The following COL26A1 variants were observed in gnomAD, a reference collection of about 807,000 sequenced individuals.
COL26A1 encodes collagen type XXVI alpha 1 chain.
Under a neutral mutation model 59.3 loss-of-function variants are expected in COL26A1, and 41 were observed. The observed-to-expected ratio is 0.69, with a 90% CI of 0.54 to 0.90. The LOEUF is 0.90. COL26A1 is among the 40% of genes least tolerant of loss of function. The pLI, the probability that COL26A1 is intolerant of heterozygous loss-of-function variation, is 0.00. For synonymous variants in COL26A1, 266 were observed against 256.0 expected (o/e 1.04, Z -0.37); for missense variants, 612 against 602.3 (o/e 1.02, Z -0.17).
chr7:101,523,255 G>C (rs1313896883), intron 3 of COL26A1, among the ~76,000 whole-genome samples: 1 of 152,020 alleles, frequency 6.6e-6, no homozygotes, highest in African/African-American at 2.4e-5. Context: ...TTTTAGTAGA[G>C]ATGAGGTTTC....
intron 3 of COL26A1, among the ~76,000 whole-genome samples, chr7:101,471,458 A>G (rs1160878776): frequency 6.6e-6 from 1 of 152,202 alleles, no homozygotes; most frequent in Non-Finnish European, 1.5e-5. Context: ...CTACTCAATT[A>G]CAGAATAGGC....
intron 3 of COL26A1, among the ~76,000 whole-genome samples, chr7:101,504,054 C>T (rs1442150924): frequency 1.3e-5 from 2 of 152,166 alleles, no homozygotes; most frequent in Admixed American, 1.3e-4. Context: ...AGGTGTCCCC[C>T]AGCTCCCCAG....
intron 1 of COL26A1, among the ~76,000 whole-genome samples, chr7:101,372,837 A>C (rs1391768745): frequency 6.6e-6 from 1 of 152,004 alleles, no homozygotes; most frequent in Non-Finnish European, 1.5e-5. Context: ...CTCTACCAAA[A>C]ATAAAAAATT....
chr7:101,489,840 T>G (rs1167482943), intron 3 of COL26A1, among the ~76,000 whole-genome samples: 1 of 20,588 alleles, frequency 4.9e-5, no homozygotes, highest in African/African-American at 6.3e-4. Context: ...CTTTCTTTCT[T>G]TCTTTCTTTC....
chr7:101,505,812 C>T (rs956230232), intron 3 of COL26A1, among the ~76,000 whole-genome samples: 3 of 152,190 alleles, frequency 2.0e-5, no homozygotes, highest in African/African-American at 7.2e-5. Context: ...AGGATCAATA[C>T]TTTGCATCCT....
At chr7:101,545,601 T>G (rs1795720211) in intron 7 of COL26A1, 111 bp downstream of exon 7, 1 of 1,184,572 alleles carries the variant, frequency 8.4e-7, no homozygotes, top group East Asian at 2.9e-5. Flanking sequence ...ATGCCCATCC[T>G]GCTGCACCCA....
At chr7:101,398,842 G>A (rs1327656008) in intron 1 of COL26A1, among the ~76,000 whole-genome samples, 1 of 152,122 alleles carries the variant, frequency 6.6e-6, no homozygotes, top group African/African-American at 2.4e-5. Context: ...AGTCTGATTA[G>A]AATCACAAAT....
At chr7:101,496,580 G>T (rs1794590101) in intron 3 of COL26A1, among the ~76,000 whole-genome samples, 1 of 152,154 alleles carries the variant, frequency 6.6e-6, no homozygotes, top group African/African-American at 2.4e-5. Context: ...CCACAGGAAA[G>T]GGGTGCAGAT....
intron 1 of COL26A1, among the ~76,000 whole-genome samples, chr7:101,399,744 C>T (rs2130187170): frequency 6.6e-6 from 1 of 152,328 alleles, no homozygotes; most frequent in African/African-American, 2.4e-5. Flanking sequence ...CAGGCGTGAG[C>T]CATTGTGCCC....
chr7:101,503,726 G>C (rs116452623), intron 3 of COL26A1, among the ~76,000 whole-genome samples: 3,157 of 152,270 alleles, frequency 0.021, 118 homozygotes, highest in African/African-American at 0.072. Context: ...GCGGACAGGG[G>C]GTCTGAACCA....
At chr7:101,445,516 G>T (rs1413407283) in intron 2 of COL26A1, among the ~76,000 whole-genome samples, 1 of 151,236 alleles carries the variant, frequency 6.6e-6, no homozygotes, top group African/African-American at 2.4e-5. Context: ...CGGATCACGA[G>T]GTCAGGAGAT....
intron 2 of COL26A1, among the ~76,000 whole-genome samples, chr7:101,426,084 C>G (rs1424812483): frequency 1.3e-5 from 2 of 152,096 alleles, no homozygotes; most frequent in Non-Finnish European, 2.9e-5. Flanking sequence ...ATCAGCCTCT[C>G]AAAGTGTTGA....
chr7:101,466,155 G>T (rs1380950994), intron 3 of COL26A1, among the ~76,000 whole-genome samples: 1 of 152,032 alleles, frequency 6.6e-6, no homozygotes, highest in Non-Finnish European at 1.5e-5. Context: ...AATAGCCTCA[G>T]ACCCAGCATT....
chr7:101,503,323 G>A (rs1403440641), intron 3 of COL26A1, among the ~76,000 whole-genome samples: 3 of 152,168 alleles, frequency 2.0e-5, no homozygotes, highest in Admixed American at 6.5e-5. Flanking sequence ...ACTGTCCCAC[G>A]TGCAGGAGTC....
At chr7:101,468,231 A>G (rs1025443520) in intron 3 of COL26A1, among the ~76,000 whole-genome samples, 8 of 151,512 alleles carry the variant, frequency 5.3e-5, no homozygotes, top group African/African-American at 1.7e-4. Context: ...TGAACCCGGG[A>G]GGTGGAGGTG....
chr7:101,457,055 G>T (rs562077127), intron 3 of COL26A1, among the ~76,000 whole-genome samples: 1 of 152,136 alleles, frequency 6.6e-6, no homozygotes, highest in East Asian at 1.9e-4. Context: ...AGGCTTGAAG[G>T]TTAGGGTTTT....
At chr7:101,511,727 G>C (rs1008398822) in intron 3 of COL26A1, among the ~76,000 whole-genome samples, 1 of 152,170 alleles carries the variant, frequency 6.6e-6, no homozygotes. Context: ...GGAGGACCCC[G>C]GTTCTGCTGA....
chr7:101,391,087 C>T (rs1791718110), intron 1 of COL26A1, among the ~76,000 whole-genome samples: 1 of 152,200 alleles, frequency 6.6e-6, no homozygotes, highest in Admixed American at 6.5e-5. Context: ...GGGAACAGAG[C>T]AGCGGAAGGA....
At chr7:101,489,852 T>TG (rs373822958) in intron 3 of COL26A1, among the ~76,000 whole-genome samples, 4 of 27,160 alleles carry the variant, frequency 1.5e-4, no homozygotes, top group Admixed American at 8.3e-4. Context: ...CTTTCTTTCT[T>TG]TCTTTCTTTC....
Sources: gnomAD v4.1 joint callset for allele counts (sites outside exome capture counted in the v4.1 genomes callset) on GRCh38, gnomAD v4.1.1 for gene constraint, MANE v1.5 for transcripts, NCBI Gene and HGNC (gene_info 2026-07-23, HGNC 2026-07-21) for gene names.